Variants in CDK10 observed in about 807,000 individuals in gnomAD.
CDK10 encodes the protein cyclin-dependent kinase 10.
A neutral mutation model predicts 51.0 loss-of-function variants in CDK10; 55 were observed. The ratio of observed to expected loss-of-function variants is 1.08; its 90% CI spans 0.87 to 1.35. The LOEUF (loss-of-function observed/expected upper bound fraction) is 1.35. Ranked by LOEUF, CDK10 falls within the 40% of genes most tolerant of loss-of-function variation. CDK10 has a pLI of 0.00. For synonymous variants in CDK10, 255 were observed against 199.1 expected (o/e 1.28, Z -2.36); for missense variants, 589 against 485.1 (o/e 1.21, Z -2.01).
At chr16:89,686,996 T>G (rs2151549781) in intron 1 of CDK10, 199 bp downstream of exon 1, 2 of 505,450 alleles carry the variant, frequency 4.0e-6, no homozygotes, top group Non-Finnish European at 6.9e-6. Flanking sequence ...CCTGGAGATC[T>G]GAGGGGCCGG....
intron 12 of CDK10, 73 bp from the exon 13 acceptor site, chr16:89,695,522 T>A: frequency 6.5e-7 from 1 of 1,536,664 alleles, no homozygotes; most frequent in Admixed American, 1.9e-5. Context: ...GAGGCAGAGC[T>A]GGACTCAGAC....
intron 1 of CDK10, chr16:89,687,793 C>G: frequency 5.7e-6 from 2 of 352,768 alleles, no homozygotes; most frequent in South Asian, 2.1e-5. Flanking sequence ...ATAAGCGTGT[C>G]GAGAAGAGCA....
chr16:89,687,376 C>T, intron 1 of CDK10: 1 of 434,200 alleles, frequency 2.3e-6, no homozygotes, highest in Admixed American at 2.4e-5. Context: ...ACTTTGGCCG[C>T]TGGTTTGTGT....
At chr16:89,690,156 G>A (rs1052974651) in intron 2 of CDK10, 1 of 209,902 alleles carries the variant, frequency 4.8e-6, no homozygotes, top group Admixed American at 5.2e-5. Context: ...TTAGCAGGAT[G>A]TTTTGTAGAG....
chr16:89,688,077 C>CTTTTTTTTT (rs35911494), intron 1 of CDK10, among the ~76,000 whole-genome samples: 1 of 75,420 alleles, frequency 1.3e-5, no homozygotes, highest in Non-Finnish European at 2.3e-5. Context: ...GCTACGTGTG[C>CTTTTTTTTT]TTTTTTTTTT....
At chr16:89,693,883 C>T in intron 8 of CDK10, 1 of 575,590 alleles carries the variant, frequency 1.7e-6, no homozygotes, top group South Asian at 2.0e-5. Context: ...GGTCAGGACC[C>T]CAGTGTCGTG....
intron 2 of CDK10, 80 bp from the exon 3 acceptor site, chr16:89,690,473 A>G (rs2060394041): frequency 3.2e-6 from 4 of 1,250,344 alleles, no homozygotes; most frequent in Non-Finnish European, 4.7e-6. Context: ...CCTGTGGCTC[A>G]GGGAGAGCCT....
intron 6 of CDK10, 51 bp downstream of exon 6, chr16:89,692,567 C>G (rs765342788): frequency 3.7e-6 from 5 of 1,354,626 alleles, no homozygotes; most frequent in African/African-American, 1.5e-5. Flanking sequence ...TGAGGCCTAA[C>G]TCTGCTGCCC....
At chr16:89,687,956 A>T in intron 1 of CDK10, 1 of 224,526 alleles carries the variant, frequency 4.5e-6, no homozygotes, top group Non-Finnish European at 9.2e-6. Flanking sequence ...TCACACCTGT[A>T]ATCTCAGCAA....
intron 3 of CDK10, among the ~76,000 whole-genome samples, chr16:89,691,234 G>A (rs766406846): frequency 6.6e-6 from 1 of 152,010 alleles, no homozygotes; most frequent in Non-Finnish European, 1.5e-5. Context: ...GCGGTGAGCC[G>A]AGATGGTGCC....
chr16:89,686,813 C>T lies in CDK10; in HGVS notation c.87+16C>T. ...GGAACACAGGGTGCGCGGGGTGCCA[C>T]CCGGGCAGCTCTGCCCGCCTCGCTA... is the stretch of plus-strand genomic sequence containing the variant. On this transcript the variant is annotated intron_variant, in intron 1 of 12. Transcript: ENST00000353379. 6.2e-7 allele frequency: 1 copy of T among 1,600,676 alleles called. No homozygotes were observed. Among genetic ancestry groups the T allele is most frequent in the Non-Finnish European group, 8.5e-7 (1 of 1,172,660 alleles).
intron 6 of CDK10, 114 bp from the exon 7 acceptor site, chr16:89,693,160 A>G (rs2060532012): frequency 4.5e-6 from 4 of 893,182 alleles, no homozygotes; most frequent in Middle Eastern, 3.0e-4. Flanking sequence ...AAAAGATACT[A>G]AAAAGCCCAA....
rs377111239 is a variant in CDK10 at position 89,695,552 on chromosome 16, C to G, written c.986-43C>G. On this transcript the variant is annotated intron_variant, in intron 12 of 12. Transcript: ENST00000353379. ...TCAGACCTGGGCCTGCTCCTCCTATCTGGGGCCCTGCCCCGCCCAGCACTG... is the reference window on the plus strand; with the variant it reads ...TCAGACCTGGGCCTGCTCCTCCTATGTGGGGCCCTGCCCCGCCCAGCACTG... The G allele has an allele frequency of 1.9e-6, 3 of 1,572,392 alleles. No individual in the cohort carries two copies. The South Asian group carries it at 3.4e-5, about 18-fold the overall frequency.
At position 89,686,952 on chromosome 16, in the gene CDK10, G is replaced by T; in HGVS notation, c.87+155G>T. On this transcript the variant is annotated intron_variant, in intron 1 of 12. Coordinates refer to ENST00000353379, the MANE Select transcript of CDK10 (RefSeq NM_052988.5). ...TCCCCGCGGCGGGGGCGGAAGCCGG[G>T]GCGGGGCGGGCTCAGGACCCCCGAC... 4.8e-6 allele frequency: 3 copies of T among 624,196 alleles called. No individual in the cohort carries two copies. The South Asian group carries it at 6.7e-5, about 14-fold the overall frequency. 38.7% of individuals were successfully genotyped at this position (624,196 alleles called of 1,614,324 possible).
rs1222420873 is a variant in CDK10, at chr16:89,694,442, G to C, written c.668+210G>C. The C allele has an allele frequency of 3.2e-5, 28 of 873,872 alleles. No individual in the cohort carries two copies. In the East Asian group the frequency reaches 7.1e-4, roughly 22 times the overall value. 54.1% of individuals were successfully genotyped at this position (873,872 alleles called of 1,614,324 possible). A position where few individuals can be genotyped will look rare whatever the true frequency, so the allele number is the denominator to read the frequency against. On this transcript the variant is annotated intron_variant, in intron 9 of 12. Transcript: ENST00000353379. ...GCTGTTCTCAGGCTGGGAGCACAGA[G>C]GTCTGGAGGAGGCACGCCTGCCCCT... is the stretch of plus-strand genomic sequence containing the variant.
intron 2 of CDK10, chr16:89,689,982 C>T (rs1803560028): frequency 6.5e-6 from 1 of 154,688 alleles, no homozygotes; most frequent in Admixed American, 6.4e-5. Context: ...CTGCACCCGG[C>T]CAAGCCTAGG....
At chr16:89,694,002 G>A (rs546155587) in intron 8 of CDK10, 171 bp from the exon 9 acceptor site, 46 of 667,682 alleles carry the variant, frequency 6.9e-5, no homozygotes, top group Middle Eastern at 4.0e-4. Context: ...TCTCGCCCCC[G>A]GCAACCATTG....
In CDK10 at chr16:89,695,772, C is replaced by A; in HGVS notation, c.*80C>A. 6.3e-7 allele frequency: 1 copy of A among 1,583,918 alleles called. No individual in the cohort carries two copies. Among genetic ancestry groups the A allele is most frequent in the Non-Finnish European group, 8.6e-7 (1 of 1,168,122 alleles). On this transcript the variant is annotated 3_prime_UTR_variant, in exon 13 of 13. Coordinates refer to ENST00000353379, the MANE Select transcript of CDK10 (RefSeq NM_052988.5). Reference sequence around the variant, plus strand: ...TCTGTGAAGGGTGCCGCGAGCCAGGCTGACCAGGCGCCCGGGATCCAGCTC... The same window carrying A: ...TCTGTGAAGGGTGCCGCGAGCCAGGATGACCAGGCGCCCGGGATCCAGCTC...
rs919385682 is a variant in CDK10, at chr16:89,689,118, C to T, written c.88-134C>T. 12 of 745,816 alleles carry T rather than the reference C, an allele frequency of 1.6e-5. No individual in the cohort carries two copies. In the African/African-American group the frequency reaches 2.1e-4, roughly 13 times the overall value. 46.2% of individuals were successfully genotyped at this position (745,816 alleles called of 1,614,324 possible). A position where few individuals can be genotyped will look rare whatever the true frequency, so the allele number is the denominator to read the frequency against. ...CAGTCTCAAAAAAAGAAAAAAAAAG[C>T]CCAAACGTGTGGTTGCCTTTCTGTT... On this transcript the variant is annotated intron_variant, in intron 1 of 12. Coordinates refer to ENST00000353379, the MANE Select transcript of CDK10 (RefSeq NM_052988.5).
Sources: allele counts gnomAD v4.1 joint callset (sites outside exome capture counted in the v4.1 genomes callset), GRCh38; gene constraint gnomAD v4.1.1; transcripts MANE v1.5; gene names NCBI Gene and HGNC (gene_info 2026-07-23, HGNC 2026-07-21).